CASK: variants seen among roughly 807,000 people sequenced by gnomAD.
The protein encoded by CASK is peripheral plasma membrane protein CASK.
CASK carries 4 observed loss-of-function variants against 82.9 expected under a neutral mutation model. That is an observed-to-expected ratio of 0.05 (90% confidence interval 0.02 to 0.11). The LOEUF is 0.11. Ranked by LOEUF, CASK falls within the 10% of genes least tolerant of loss-of-function variation. CASK has a pLI of 1.00. For synonymous variants in CASK, 259 were observed against 253.5 expected (o/e 1.02, Z -0.20); for missense variants, 358 against 720.9 (o/e 0.50, Z 5.76).
rs778601381 is a variant in CASK at position 41,901,377 on chromosome X, T to C, written c.59+21553A>G. Among the ~76,000 whole-genome samples the C allele has an allele frequency of 5.8e-4, 64 of 109,421 alleles. 1 individual carries two copies. Among genetic ancestry groups the C allele is most frequent in the Admixed American group, 2.9e-3 (30 of 10,335 alleles). On this transcript the variant is annotated intron_variant, in intron 1 of 26. Coordinates refer to ENST00000378163, the MANE Select transcript of CASK (RefSeq NM_001367721.1). ...CCAGCTACTCAGGAGGCTGAGGCAG[T>C]AGGATTGGCTGAGGCAGTGGTATTG... is the stretch of plus-strand genomic sequence containing the variant.
At position 41,674,237 on chromosome X, in the gene CASK, G is replaced by T. The variant is rs757315235; in HGVS notation, c.430-2707C>A. ...TGTGGGATGCAAGCAAAGGAAGCAG[G>T]GTGCCTTAGACACTGAGTGGAGCCA... On this transcript the variant is annotated intron_variant, in intron 5 of 26. Transcript: ENST00000378163. 1.4e-3 allele frequency among the ~76,000 whole-genome samples: 156 copies of T among 110,617 alleles called. 1 individual carries two copies. Among genetic ancestry groups the T allele is most frequent in the African/African-American group, 5.0e-3 (152 of 30,457 alleles).
At chrX:41,667,685 A>C (rs771677977) in intron 6 of CASK, among the ~76,000 whole-genome samples, 70 of 111,286 alleles carry the variant, frequency 6.3e-4, no homozygotes, top group Non-Finnish European at 1.1e-3. Flanking sequence ...TTGGCCTCTC[A>C]AGTAGCTGGG....
intron 2 of CASK, among the ~76,000 whole-genome samples, chrX:41,841,855 A>C (rs1236446323): frequency 8.9e-6 from 1 of 112,118 alleles, no homozygotes; most frequent in Non-Finnish European, 1.9e-5. Context: ...CTACTGAAGC[A>C]TAAAAATTTT....
At chrX:41,864,736 C>T (rs963243446) in intron 1 of CASK, among the ~76,000 whole-genome samples, 1 of 111,543 alleles carries the variant, frequency 9.0e-6, no homozygotes, top group Non-Finnish European at 1.9e-5. Flanking sequence ...ATTTAAGTGC[C>T]TATTCATTAA....
chrX:41,808,555 T>C (rs1389763003), intron 2 of CASK, among the ~76,000 whole-genome samples: 1 of 112,033 alleles, frequency 8.9e-6, no homozygotes, highest in Non-Finnish European at 1.9e-5. Context: ...TTCTTTAAAA[T>C]CACATTAAAA....
At chrX:41,734,789 C>T (rs2068470471) in intron 5 of CASK, among the ~76,000 whole-genome samples, 1 of 111,188 alleles carries the variant, frequency 9.0e-6, no homozygotes. Context: ...AGGACAGCCT[C>T]CCACAGCAAA....
chrX:41,904,017 C>T (rs912755094), intron 1 of CASK, among the ~76,000 whole-genome samples: 1 of 111,283 alleles, frequency 9.0e-6, no homozygotes, highest in Non-Finnish European at 1.9e-5. Flanking sequence ...AGAATGAAAC[C>T]CCATACCTAT....
At chrX:41,922,591 T>C (rs1471225346) in intron 1 of CASK, among the ~76,000 whole-genome samples, 1 of 112,368 alleles carries the variant, frequency 8.9e-6, no homozygotes, top group Non-Finnish European at 1.9e-5. Context: ...AAATGGTCTA[T>C]GGTACATGCA....
chrX:41,690,799 G>A (rs767728886), intron 5 of CASK, among the ~76,000 whole-genome samples: 1 of 107,716 alleles, frequency 9.3e-6, no homozygotes, highest in Non-Finnish European at 1.9e-5. Context: ...TTAGCCTCTC[G>A]AGTAGCTGGG....
chrX:41,746,145 C>T (rs1022724159), intron 3 of CASK, among the ~76,000 whole-genome samples: 2 of 111,352 alleles, frequency 1.8e-5, no homozygotes, highest in African/African-American at 6.5e-5. Flanking sequence ...GTGTTGGTAA[C>T]GCAATGTCAC....
chrX:41,518,837 CAA>C lies in CASK; in HGVS notation c.*1581_*1582del, dbSNP rs2064596963. On this transcript the variant is annotated 3_prime_UTR_variant, in exon 27 of 27. Coordinates refer to ENST00000378163, the MANE Select transcript of CASK (RefSeq NM_001367721.1). Reference sequence around the variant, plus strand: ...TGAAAAACATTCTACTGACCTCTGGCAAAGAGTCTGAGAACCCCAGCCCGAAT... The same window carrying C: ...TGAAAAACATTCTACTGACCTCTGGCAGAGTCTGAGAACCCCAGCCCGAAT... 4 of 111,556 alleles carry C rather than the reference CAA, an allele frequency of 3.6e-5. No homozygotes were observed. Among genetic ancestry groups the C allele is most frequent in the African/African-American group, 1.3e-4 (4 of 30,716 alleles). The allele number at this position is 111,556 out of a possible 1,213,427, so 9.2% of individuals were successfully genotyped here. A position where few individuals can be genotyped will look rare whatever the true frequency, so the allele number is the denominator to read the frequency against.
chrX:41,598,877 G>A (rs2065860040), intron 12 of CASK, among the ~76,000 whole-genome samples: 1 of 111,801 alleles, frequency 8.9e-6, no homozygotes, highest in East Asian at 2.8e-4. Flanking sequence ...ATAGTTGAAA[G>A]CACTCAAATA....
At chrX:41,689,449 T>G (rs1315578842) in intron 5 of CASK, among the ~76,000 whole-genome samples, 1 of 112,030 alleles carries the variant, frequency 8.9e-6, no homozygotes, top group Non-Finnish European at 1.9e-5. Flanking sequence ...TATTATAAAT[T>G]ATAACTTATT....
chrX:41,634,062 A>G (rs941402655), intron 9 of CASK, among the ~76,000 whole-genome samples: 1 of 112,256 alleles, frequency 8.9e-6, no homozygotes. Flanking sequence ...GTGCCTGGCC[A>G]CAAAAGTAAT....
chrX:41,790,105 ATTTTTAGTAGAGAC>A, intron 2 of CASK: 1 of 563,806 alleles, frequency 1.8e-6, no homozygotes, highest in Admixed American at 5.5e-5. Flanking sequence ...AATTTTTTGC[ATTTTTAGTAGAGAC>A]TTTTTTTTTT....
intron 1 of CASK, among the ~76,000 whole-genome samples, chrX:41,862,431 C>A (rs766658147): frequency 9.3e-6 from 1 of 107,948 alleles, no homozygotes; most frequent in African/African-American, 3.4e-5. Flanking sequence ...ATCCCGGCTA[C>A]TTGGGAGGCT....
intron 2 of CASK, among the ~76,000 whole-genome samples, chrX:41,844,254 CCT>C (rs2071105813): frequency 9.0e-6 from 1 of 111,097 alleles, no homozygotes; most frequent in East Asian, 2.8e-4. Context: ...AGAAGTGTTC[CCT>C]CTCTTATTTT....
At chrX:41,697,040 CAAAATAATT>C in intron 5 of CASK, 1 of 247,712 alleles carries the variant, frequency 4.0e-6, no homozygotes, top group Non-Finnish European at 7.6e-6. Context: ...GCTCTAACAG[CAAAATAATT>C]AAAGTGCCAT....
At chrX:41,592,212 C>T (rs761380467) in intron 12 of CASK, among the ~76,000 whole-genome samples, 225 of 98,448 alleles carry the variant, frequency 2.3e-3, no homozygotes, top group African/African-American at 7.1e-3. Context: ...CAGAGCAAGA[C>T]TTTGTCTCGA....
Sources: allele counts gnomAD v4.1 joint callset (sites outside exome capture counted in the v4.1 genomes callset), GRCh38; gene constraint gnomAD v4.1.1; transcripts MANE v1.5; gene names NCBI Gene and HGNC (gene_info 2026-07-23, HGNC 2026-07-21).